The following PRMT8 variants were observed in gnomAD, a reference collection of about 807,000 sequenced individuals.
PRMT8 encodes protein arginine N-methyltransferase 8.
Under a neutral mutation model 47.1 loss-of-function variants are expected in PRMT8, and 7 were observed. The ratio of observed to expected loss-of-function variants is 0.15; its 90% CI spans 0.08 to 0.28. The LOEUF is 0.28. PRMT8 is among the 10% of genes least tolerant of loss of function. PRMT8 has a pLI of 1.00. For missense variants in PRMT8, 237 were observed against 505.4 expected, an observed-to-expected ratio of 0.47 and a Z score of 5.09; for synonymous variants, 188 against 186.5, an observed-to-expected ratio of 1.01 and a Z score of -0.07.
chr12:3,471,043 C>T (rs558114936), intron 1 of PRMT8, among the ~76,000 whole-genome samples: 1 of 152,204 alleles, frequency 6.6e-6, no homozygotes, highest in East Asian at 1.9e-4. Flanking sequence ...GCTCTAGGGG[C>T]CTGGAACCAA....
chr12:3,389,377 C>G (rs576323865), intron 1 of PRMT8, among the ~76,000 whole-genome samples: 6 of 152,268 alleles, frequency 3.9e-5, no homozygotes, highest in African/African-American at 1.2e-4. Context: ...TCTCGTCCAG[C>G]CCTGCTCGCC....
chr12:3,447,858 T>A (rs1047755634), intron 1 of PRMT8, among the ~76,000 whole-genome samples: 8 of 152,220 alleles, frequency 5.3e-5, no homozygotes, highest in African/African-American at 1.9e-4. Flanking sequence ...AGGAGAAAAC[T>A]ACATGTACTT....
Position 3,386,577 on chromosome 12 carries a change from C to T in PRMT8, c.48+5135C>T, listed in dbSNP as rs372215784. On this transcript the variant is annotated intron_variant, in intron 1 of 9. Transcript: ENST00000452611. ...TCTTCTGTCTGCCCGTTTGTCCATC[C>T]ATTTATCCATCCACTTAGCTATTCG... Among the ~76,000 whole-genome samples the T allele has an allele frequency of 8.4e-4, 128 of 152,298 alleles. 1 individual carries two copies. In the South Asian group the frequency reaches 0.018, roughly 22 times the overall value.
intron 1 of PRMT8, among the ~76,000 whole-genome samples, chr12:3,522,777 GAAAACAAACAAACAA>G (rs1004569299): frequency 3.4e-5 from 5 of 148,944 alleles, no homozygotes; most frequent in African/African-American, 5.0e-5. Flanking sequence ...CAAAAAACTG[GAAAACAAACAAACAA>G]AAAACAAACA....
At chr12:3,496,214 A>ATATAAATATTTTTTTTTTT in intron 1 of PRMT8, among the ~76,000 whole-genome samples, 1 of 27,756 alleles carries the variant, frequency 3.6e-5, no homozygotes, top group African/African-American at 8.8e-5. Context: ...ATATATATAT[A>ATATAAATATTTTTTTTTTT]TTTTTTTTTT....
intron 1 of PRMT8, among the ~76,000 whole-genome samples, chr12:3,407,071 G>T (rs1864379484): frequency 6.6e-6 from 1 of 152,198 alleles, no homozygotes; most frequent in African/African-American, 2.4e-5. Flanking sequence ...TTACAATCAT[G>T]ACAGAAAGGG....
At chr12:3,542,455 G>C (rs1866247946) in intron 2 of PRMT8, among the ~76,000 whole-genome samples, 1 of 152,320 alleles carries the variant, frequency 6.6e-6, no homozygotes, top group East Asian at 1.9e-4. Flanking sequence ...GCTCTTGGGG[G>C]CAAAAGAGAC....
Position 3,508,076 on chromosome 12 carries a change from A to C in PRMT8, c.75+16376A>C, listed in dbSNP as rs1244592652. Among the ~76,000 whole-genome samples, 1 of 152,168 alleles carries C rather than the reference A, an allele frequency of 6.6e-6. No individual in the cohort carries two copies. The highest frequency in any genetic ancestry group is 1.5e-5 in the Non-Finnish European group (1 of 68,038). On this transcript the variant is annotated intron_variant, in intron 1 of 9. Coordinates refer to ENST00000382622, the MANE Select transcript of PRMT8 (RefSeq NM_019854.5). This position sits in a 1 kb window ranked among gnomAD's most constrained non-coding sequence, Gnocchi z 4.9. ...TTTATAGGCTGGCCATGAGGATTACATTTGATAATGGGATACGACATAAAG... is the reference window on the plus strand; with the variant it reads ...TTTATAGGCTGGCCATGAGGATTACCTTTGATAATGGGATACGACATAAAG...
chr12:3,390,586 G>A lies in PRMT8; in HGVS notation c.48+9144G>A, dbSNP rs112933759. 8.0e-3 allele frequency among the ~76,000 whole-genome samples: 1,221 copies of A among 152,256 alleles called. 18 individuals carry two copies. Among genetic ancestry groups the A allele is most frequent in the African/African-American group, 0.026 (1,094 of 41,532 alleles). ...CCATTACGATTCCTGTTCTGCACAG[G>A]AAGAAACAGAAGCTCAGAGAAGGTA... On this transcript the variant is annotated intron_variant, in intron 1 of 9. Coordinates refer to the PRMT8 transcript ENST00000452611.
chr12:3,558,961 C>CCTATCTACCTAT (rs1555094146), intron 4 of PRMT8, among the ~76,000 whole-genome samples: 1 of 149,990 alleles, frequency 6.7e-6, no homozygotes, highest in African/African-American at 2.5e-5. Flanking sequence ...TATCTATCTA[C>CCTATCTACCTAT]CTATCTATCT....
Position 3,491,525 on chromosome 12 carries a change from ATT to A in PRMT8, c.-91_-90del. On this transcript the variant is annotated 5_prime_UTR_variant, in exon 1 of 10. Transcript: ENST00000382622. Reference sequence around the variant, plus strand: ...CGCTCCAGCTGAGGGGCTGGGTTGGATTTTTTTTTTTCTCCCATCCTCTCGCT... The same window carrying A: ...CGCTCCAGCTGAGGGGCTGGGTTGGATTTTTTTTTCTCCCATCCTCTCGCT... The A allele has an allele frequency of 6.8e-6, 8 of 1,170,848 alleles. No individual in the cohort carries two copies. Among genetic ancestry groups the A allele is most frequent in the South Asian group, 1.8e-5 (1 of 55,172 alleles). The allele number at this position is 1,170,848 out of a possible 1,614,324, so 72.5% of individuals were successfully genotyped here.
intron 1 of PRMT8, among the ~76,000 whole-genome samples, chr12:3,392,018 AG>A (rs1864197352): frequency 6.6e-6 from 1 of 152,092 alleles, no homozygotes; most frequent in Non-Finnish European, 1.5e-5. Flanking sequence ...ACAGGAGCAA[AG>A]GGTTGGAGGC....
intron 1 of PRMT8, among the ~76,000 whole-genome samples, chr12:3,439,316 T>G (rs1217699123): frequency 6.6e-6 from 1 of 152,218 alleles, no homozygotes; most frequent in African/African-American, 2.4e-5. Flanking sequence ...CAGATGACAC[T>G]ATTCTAGGTG....
intron 1 of PRMT8, among the ~76,000 whole-genome samples, chr12:3,443,139 C>T (rs543646496): frequency 2.6e-5 from 4 of 152,272 alleles, no homozygotes; most frequent in South Asian, 2.1e-4. Flanking sequence ...CCTAAGACAA[C>T]GCTATTGTCT....
intron 1 of PRMT8, among the ~76,000 whole-genome samples, chr12:3,524,678 AC>A (rs1865926927): frequency 6.7e-6 from 1 of 150,068 alleles, no homozygotes; most frequent in Non-Finnish European, 1.5e-5. Flanking sequence ...TGAAGCCCCT[AC>A]CCAACAATCA....
chr12:3,533,867 C>T (rs1181694473), intron 1 of PRMT8, among the ~76,000 whole-genome samples: 1 of 152,248 alleles, frequency 6.6e-6, no homozygotes, highest in Non-Finnish European at 1.5e-5. Context: ...TTCTGCAAAC[C>T]TCTGGTCCCT....
rs779887637 is a variant in PRMT8, at chr12:3,540,746, G to A, written c.216G>A (p.Ser72=). The change falls in exon 2 of 10, where the codon TCG becomes TCA. Residue 72 remains serine (S), a synonymous_variant. Coordinates refer to ENST00000382622, the MANE Select transcript of PRMT8 (RefSeq NM_019854.5). The part of the protein sequence containing the change: ...SKLLNPEEMT[S]RDYYFDSYAH... The stretch of plus-strand genomic sequence containing the variant: ...TGCTGAACCCAGAGGAGATGACCTC[G>A]AGAGATTATTACTTCGACTCCTATG... 10 of 1,614,102 alleles carry A rather than the reference G, an allele frequency of 6.2e-6. No individual in the cohort carries two copies. Among genetic ancestry groups the A allele is most frequent in the East Asian group, 4.5e-5 (2 of 44,874 alleles).
At position 3,535,196 on chromosome 12, in the gene PRMT8, C is replaced by T. The variant is rs1028758651; in HGVS notation, c.76-5410C>T. Among the ~76,000 whole-genome samples, 5 of 152,350 alleles carry T rather than the reference C, an allele frequency of 3.3e-5. No homozygotes were observed. The highest frequency in any genetic ancestry group is 1.2e-4 in the African/African-American group (5 of 41,580). ...GCTCACATGCCCCTTCTTCAGGAAG[C>T]CAGCTTCCTCCTGTCTCCAGCTCTG... On this transcript the variant is annotated intron_variant, in intron 1 of 9. Coordinates refer to ENST00000382622, the MANE Select transcript of PRMT8 (RefSeq NM_019854.5). This position sits in a 1 kb window ranked among gnomAD's most constrained non-coding sequence, Gnocchi z 4.7.
chr12:3,517,996 T>C (rs961500288), intron 1 of PRMT8, among the ~76,000 whole-genome samples: 3 of 151,776 alleles, frequency 2.0e-5, no homozygotes, highest in African/African-American at 7.3e-5. Context: ...TGGGTTATGC[T>C]CTTTGTTGGA....
Sources: gnomAD v4.1 joint callset for allele counts (sites outside exome capture counted in the v4.1 genomes callset) on GRCh38, gnomAD v4.1.1 for gene constraint, Gnocchi (gnomAD v3.1) non-coding constraint, MANE v1.5 for transcripts, NCBI Gene and HGNC (gene_info 2026-07-23, HGNC 2026-07-21) for gene names.